Variants in MSRB2 observed in about 807,000 individuals in gnomAD.
MSRB2 encodes methionine sulfoxide reductase B2.
In MSRB2, 17 loss-of-function variants were observed where a neutral mutation model predicts 19.0. That is an observed-to-expected ratio of 0.89 (90% CI 0.61 to 1.34). The LOEUF (loss-of-function observed/expected upper bound fraction) is 1.34. Among genes scored for constraint, MSRB2 ranks in the 40% most tolerant of loss-of-function variants. The pLI is 0.00. For missense variants in MSRB2, 208 were observed against 237.6 expected (o/e 0.88, Z 0.82); for synonymous variants, 107 against 99.7 (o/e 1.07, Z -0.44).
chr10:23,107,417 T>C (rs1839996228), intron 2 of MSRB2, among the ~76,000 whole-genome samples: 1 of 152,248 alleles, frequency 6.6e-6, no homozygotes, highest in African/African-American at 2.4e-5. Context: ...CTGCCAGAAA[T>C]ACTCTTCCAT....
intron 3 of MSRB2, among the ~76,000 whole-genome samples, chr10:23,114,134 C>G (rs1331710749): frequency 6.6e-6 from 1 of 151,970 alleles, no homozygotes; most frequent in African/African-American, 2.4e-5. Context: ...TGGATCACTG[C>G]AGGTCAGGAG....
intron 2 of MSRB2, 147 bp from the exon 3 acceptor site, chr10:23,110,095 T>C: frequency 3.3e-6 from 2 of 603,554 alleles, no homozygotes; most frequent in Non-Finnish European, 5.8e-6. Context: ...GGGTACATTA[T>C]AATTTTCTCT....
rs113479928 is a variant in MSRB2, at chr10:23,119,792, G to A, written c.444+341G>A. Among the ~76,000 whole-genome samples the A allele has an allele frequency of 1.1e-3, 166 of 151,974 alleles. 1 individual carries two copies. The highest frequency in any genetic ancestry group is 2.1e-3 in the Non-Finnish European group (143 of 67,962). ...GTATTTTTAGTAGAGATGAGGTTTCGCCATGTTGGCCAGGCTGGTCTCAAA... is the reference window on the plus strand; with the variant it reads ...GTATTTTTAGTAGAGATGAGGTTTCACCATGTTGGCCAGGCTGGTCTCAAA... On this transcript the variant is annotated intron_variant, in intron 4 of 4. Coordinates refer to ENST00000376510, the MANE Select transcript of MSRB2 (RefSeq NM_012228.4).
At chr10:23,110,742 T>G (rs1368981430) in intron 3 of MSRB2, among the ~76,000 whole-genome samples, 1 of 152,104 alleles carries the variant, frequency 6.6e-6, no homozygotes, top group Non-Finnish European at 1.5e-5. Context: ...ATTTAGGAAA[T>G]GTAGAATTTT....
chr10:23,100,770 C>G (rs867238978), intron 1 of MSRB2, among the ~76,000 whole-genome samples: 3 of 152,184 alleles, frequency 2.0e-5, no homozygotes, highest in Non-Finnish European at 4.4e-5. Flanking sequence ...TACAATGTCA[C>G]ATGAGATTTG....
intron 2 of MSRB2, among the ~76,000 whole-genome samples, chr10:23,109,214 CAG>C (rs894399853): frequency 6.6e-6 from 1 of 152,008 alleles, no homozygotes; most frequent in Admixed American, 6.6e-5. Context: ...TTTTCTTTGA[CAG>C]GGGAGATGAC....
intron 1 of MSRB2, 29 bp downstream of exon 1, chr10:23,095,755 G>A: frequency 8.3e-7 from 1 of 1,202,888 alleles, no homozygotes; most frequent in Non-Finnish European, 1.0e-6. Flanking sequence ...AGGCCCCGCC[G>A]CCGCCTACGG....
intron 4 of MSRB2, 43 bp from the exon 5 acceptor site, chr10:23,120,715 T>C: frequency 6.6e-7 from 1 of 1,510,334 alleles, no homozygotes; most frequent in Admixed American, 1.8e-5. Flanking sequence ...CATAAAGAGC[T>C]TTGTTTGCAT....
intron 1 of MSRB2, among the ~76,000 whole-genome samples, chr10:23,098,465 T>C (rs1564426730): frequency 1.3e-5 from 2 of 152,204 alleles, no homozygotes; most frequent in Non-Finnish European, 2.9e-5. Flanking sequence ...TATTAAGGCA[T>C]AATTCAAAGT....
chr10:23,099,633 C>T (rs919817252), intron 1 of MSRB2, among the ~76,000 whole-genome samples: 1 of 152,150 alleles, frequency 6.6e-6, no homozygotes, highest in Non-Finnish European at 1.5e-5. Context: ...GAAGGAAAAT[C>T]GCTTGAGTCC....
intron 2 of MSRB2, among the ~76,000 whole-genome samples, chr10:23,106,202 A>G (rs976562826): frequency 2.0e-5 from 3 of 152,212 alleles, no homozygotes; most frequent in Admixed American, 2.0e-4. Flanking sequence ...ATCCCTTTCC[A>G]TGGATCCATT....
intron 1 of MSRB2, among the ~76,000 whole-genome samples, chr10:23,103,012 A>G (rs761041712): frequency 6.6e-6 from 1 of 152,088 alleles, no homozygotes; most frequent in Non-Finnish European, 1.5e-5. Flanking sequence ...AATAAAAGAT[A>G]CCTCCTAGGG....
chr10:23,095,696 C>T lies in MSRB2; in HGVS notation c.88C>T (p.Pro30Ser). 7.6e-7 allele frequency: 1 copy of T among 1,312,222 alleles called. No homozygotes were observed. Among genetic ancestry groups the T allele is most frequent in the African/African-American group, 1.5e-5 (1 of 64,520 alleles). The allele number at this position is 1,312,222 out of a possible 1,614,324, so 81.3% of individuals were successfully genotyped here. The change falls in exon 1 of 5, where the codon CCC becomes TCC. Residue 30 changes from proline (P) to serine (S), a missense_variant. Coordinates refer to ENST00000376510, the MANE Select transcript of MSRB2 (RefSeq NM_012228.4). ...GCGGGGCCAAGCGGGCGGCGGCGGG[C>T]CCGGCACCGGGCCGGGACTGGGGGA... ...AVRGQAGGGG[P>S]GTGPGLGEAG... is the part of the protein sequence containing the mutation.
intron 1 of MSRB2, among the ~76,000 whole-genome samples, chr10:23,100,602 T>C (rs1349884990): frequency 6.6e-6 from 1 of 152,096 alleles, no homozygotes; most frequent in Non-Finnish European, 1.5e-5. Context: ...CAAGCACATC[T>C]TACATGGTCA....
At chr10:23,116,932 T>C (rs1181702043) in intron 3 of MSRB2, among the ~76,000 whole-genome samples, 2 of 152,162 alleles carry the variant, frequency 1.3e-5, no homozygotes, top group African/African-American at 4.8e-5. Flanking sequence ...GATCTCTATT[T>C]AAACATTAAT....
intron 1 of MSRB2, among the ~76,000 whole-genome samples, chr10:23,101,297 A>G (rs1233482942): frequency 2.0e-5 from 3 of 151,924 alleles, no homozygotes; most frequent in Non-Finnish European, 4.4e-5. Flanking sequence ...ACTTAGAATA[A>G]TAGTCTCCAA....
intron 3 of MSRB2, among the ~76,000 whole-genome samples, chr10:23,114,375 A>T (rs1467675733): frequency 6.7e-6 from 1 of 150,340 alleles, no homozygotes; most frequent in African/African-American, 2.4e-5. Context: ...AAAAGCTGTG[A>T]TTATGAAATC....
At chr10:23,100,764 A>G (rs1839918707) in intron 1 of MSRB2, among the ~76,000 whole-genome samples, 1 of 152,176 alleles carries the variant, frequency 6.6e-6, no homozygotes, top group African/African-American at 2.4e-5. Context: ...GAGGATTACA[A>G]TGTCACATGA....
intron 3 of MSRB2, among the ~76,000 whole-genome samples, chr10:23,114,316 C>T (rs1487782543): frequency 6.7e-6 from 1 of 148,854 alleles, no homozygotes; most frequent in African/African-American, 2.5e-5. Context: ...AGCCACTGCA[C>T]TCCAGCCTGA....
Sources: allele counts gnomAD v4.1 joint callset (sites outside exome capture counted in the v4.1 genomes callset), GRCh38; gene constraint gnomAD v4.1.1; transcripts MANE v1.5; gene names NCBI Gene and HGNC (gene_info 2026-07-23, HGNC 2026-07-21).